CEP128: variants seen among roughly 807,000 people sequenced by gnomAD.
CEP128 encodes centrosomal protein 128kDa.
CEP128 carries 132 observed loss-of-function variants against 156.7 expected under a neutral mutation model. The ratio of observed to expected loss-of-function variants is 0.84; its 90% CI spans 0.73 to 0.97. CEP128 has a LOEUF of 0.97. Among genes scored for constraint, CEP128 ranks in the 50% least tolerant of loss-of-function variants. The pLI is 0.00. For synonymous variants in CEP128, 469 were observed against 448.9 expected, an observed-to-expected ratio of 1.04 and a Z score of -0.57; for missense variants, 1,252 against 1,281.9, an observed-to-expected ratio of 0.98 and a Z score of 0.36.
At chr14:80,527,752 C>T (rs997454612) in intron 22 of CEP128, among the ~76,000 whole-genome samples, 7 of 152,188 alleles carry the variant, frequency 4.6e-5, no homozygotes, top group Non-Finnish European at 1.0e-4. Context: ...CAACATCCCA[C>T]CTTTTAACTA....
chr14:80,853,060 T>A (rs1425683809), intron 9 of CEP128, among the ~76,000 whole-genome samples: 1 of 151,852 alleles, frequency 6.6e-6, no homozygotes, highest in Non-Finnish European at 1.5e-5. Flanking sequence ...CAAGAATATC[T>A]GATAAATTTC....
intron 9 of CEP128, among the ~76,000 whole-genome samples, chr14:80,857,768 C>A (rs12588226): frequency 0.44 from 63,078 of 144,684 alleles, 15,806 homozygotes; most frequent in East Asian, 0.73. Context: ...ACAACAACAA[C>A]AAAAAACATG....
intron 17 of CEP128, among the ~76,000 whole-genome samples, chr14:80,760,613 G>C (rs1899912503): frequency 6.6e-6 from 1 of 152,072 alleles, no homozygotes; most frequent in African/African-American, 2.4e-5. Flanking sequence ...GCAGTAAACA[G>C]AGGGGTAAAT....
At chr14:80,827,141 T>C (rs1171184557) in intron 13 of CEP128, among the ~76,000 whole-genome samples, 1 of 152,174 alleles carries the variant, frequency 6.6e-6, no homozygotes, top group Non-Finnish European at 1.5e-5. Flanking sequence ...ATGCAATTAG[T>C]AAGATATAGC....
Position 80,954,381 on chromosome 14 carries a change from ATCT to A in CEP128, c.-172+3794_-172+3796del, listed in dbSNP as rs567710994. On this transcript the variant is annotated intron_variant, in intron 2 of 7. Coordinates refer to the CEP128 transcript ENST00000555529. ...AGGTATCAGAGTTTGTTTATCCATTATCTAGTCGCGAGACACTTGGTTCGTTTA... is the reference window on the plus strand; with the variant it reads ...AGGTATCAGAGTTTGTTTATCCATTAAGTCGCGAGACACTTGGTTCGTTTA... Among the ~76,000 whole-genome samples the A allele has an allele frequency of 2.0e-3, 309 of 152,332 alleles. 2 individuals are homozygous for A. The highest frequency in any genetic ancestry group is 7.1e-3 in the African/African-American group (295 of 41,578).
intron 19 of CEP128, among the ~76,000 whole-genome samples, chr14:80,583,915 T>A (rs1183462012): frequency 6.6e-6 from 1 of 152,156 alleles, no homozygotes; most frequent in East Asian, 1.9e-4. Flanking sequence ...TATGAAGACA[T>A]GAGACTCAAA....
chr14:80,518,610 C>A (rs1888600364), intron 23 of CEP128, among the ~76,000 whole-genome samples: 1 of 152,096 alleles, frequency 6.6e-6, no homozygotes, highest in South Asian at 2.1e-4. Flanking sequence ...TTTTTCCTTA[C>A]AATTCTATCA....
chr14:80,916,230 C>A (rs1370914533), intron 3 of CEP128, among the ~76,000 whole-genome samples, 171 bp downstream of exon 3: 1 of 152,188 alleles, frequency 6.6e-6, no homozygotes, highest in African/African-American at 2.4e-5. Flanking sequence ...CCCAGTGAGA[C>A]CAGTGTTGAC....
chr14:80,770,293 G>A lies in CEP128; in HGVS notation c.2376+7589C>T, dbSNP rs184808107. On this transcript the variant is annotated intron_variant, in intron 16 of 24. Coordinates refer to ENST00000555265, the MANE Select transcript of CEP128 (RefSeq NM_152446.5). ...ATTGCCAATTGAGTAATTTCAAAAC[G>A]GCTTCATCATAGCTGTGTTCTAATT... 8.3e-3 allele frequency among the ~76,000 whole-genome samples: 1,270 copies of A among 152,246 alleles called. 16 individuals are homozygous for A. The highest frequency in any genetic ancestry group is 0.01 in the Non-Finnish European group (689 of 67,988).
chr14:80,562,642 T>C (rs72689053), intron 20 of CEP128, among the ~76,000 whole-genome samples: 21,465 of 149,462 alleles, frequency 0.14, 1,613 homozygotes, highest in South Asian at 0.23. Flanking sequence ...AACAACAGTG[T>C]AGCTTTTCTT....
chr14:80,823,263 C>T (rs1368076016), intron 13 of CEP128, among the ~76,000 whole-genome samples: 1 of 152,238 alleles, frequency 6.6e-6, no homozygotes, highest in Non-Finnish European at 1.5e-5. Context: ...ACTGAGATGG[C>T]ACCTGTCAAA....
At chr14:80,586,014 G>T (rs762863780) in intron 19 of CEP128, among the ~76,000 whole-genome samples, 1 of 152,028 alleles carries the variant, frequency 6.6e-6, no homozygotes, top group Non-Finnish European at 1.5e-5. Flanking sequence ...AGAGATAACG[G>T]GTCAGTTTCT....
rs558097635 is a variant in CEP128 at position 80,668,012 on chromosome 14, T to A, written c.2806+75063A>T. 2.8e-3 allele frequency among the ~76,000 whole-genome samples: 430 copies of A among 152,272 alleles called. 3 individuals are homozygous for A. Among genetic ancestry groups the A allele is most frequent in the Non-Finnish European group, 4.2e-3 (289 of 68,032 alleles). ...AACAACAGTGATGCTGATGATGGTGTCATTCCTGATGATAATAGTAAACAG... is the reference window on the plus strand; with the variant it reads ...AACAACAGTGATGCTGATGATGGTGACATTCCTGATGATAATAGTAAACAG... On this transcript the variant is annotated intron_variant, in intron 19 of 24. Coordinates refer to ENST00000555265, the MANE Select transcript of CEP128 (RefSeq NM_152446.5).
intron 20 of CEP128, among the ~76,000 whole-genome samples, chr14:80,574,399 C>T (rs1177809537): frequency 1.3e-5 from 2 of 152,174 alleles, no homozygotes; most frequent in Non-Finnish European, 2.9e-5. Flanking sequence ...GCAGAAAAGA[C>T]TGACAGCAAA....
intron 13 of CEP128, among the ~76,000 whole-genome samples, chr14:80,804,921 C>T (rs1884087099): frequency 6.6e-6 from 1 of 151,982 alleles, no homozygotes; most frequent in Non-Finnish European, 1.5e-5. Context: ...ACTTGGGTGC[C>T]AACTATGGAC....
At chr14:80,834,592 A>T (rs1736898284) in intron 12 of CEP128, among the ~76,000 whole-genome samples, 1 of 152,218 alleles carries the variant, frequency 6.6e-6, no homozygotes, top group Admixed American at 6.5e-5. Flanking sequence ...ATATAAAAAA[A>T]CTTCCAAAAT....
At chr14:80,540,206 C>CG (rs1371019008) in intron 21 of CEP128, among the ~76,000 whole-genome samples, 3 of 146,812 alleles carry the variant, frequency 2.0e-5, no homozygotes, top group Non-Finnish European at 4.4e-5. Context: ...CACCCCCCCC[C>CG]CTTTTGAAAC....
At chr14:80,690,578 A>T (rs1316062652) in intron 19 of CEP128, among the ~76,000 whole-genome samples, 2 of 152,218 alleles carry the variant, frequency 1.3e-5, no homozygotes, top group Non-Finnish European at 2.9e-5. Flanking sequence ...AACAAAATCT[A>T]CATCATGCCA....
At chr14:80,892,497 T>C (rs905834239) in intron 8 of CEP128, among the ~76,000 whole-genome samples, 5 of 151,990 alleles carry the variant, frequency 3.3e-5, no homozygotes, top group African/African-American at 1.2e-4. Flanking sequence ...TTGGCAATGA[T>C]TTTTGCGTAT....
Sources: allele counts gnomAD v4.1 joint callset (sites outside exome capture counted in the v4.1 genomes callset), GRCh38; gene constraint gnomAD v4.1.1; transcripts MANE v1.5; gene names NCBI Gene and HGNC (gene_info 2026-07-23, HGNC 2026-07-21).